ARHGAP24: variants seen among roughly 807,000 people sequenced by gnomAD.
The protein encoded by ARHGAP24 is rho GTPase-activating protein 24.
Under a neutral mutation model 76.4 loss-of-function variants are expected in ARHGAP24, and 50 were observed. The observed-to-expected ratio is 0.65, with a 90% CI of 0.52 to 0.83. The LOEUF is 0.83. ARHGAP24 is among the 40% of genes least tolerant of loss of function. The pLI, the probability that ARHGAP24 is intolerant of heterozygous loss-of-function variation, is 0.00. For missense variants in ARHGAP24, 930 were observed against 914.2 expected (o/e 1.02, Z -0.22); for synonymous variants, 345 against 323.3 (o/e 1.07, Z -0.72).
intron 3 of ARHGAP24, among the ~76,000 whole-genome samples, chr4:85,914,713 C>A (rs143128580): frequency 4.6e-5 from 7 of 152,118 alleles, no homozygotes; most frequent in African/African-American, 1.7e-4. Context: ...TCAACCATAC[C>A]GTTAGAGGAC....
chr4:85,585,048 C>T (rs1727789609), intron 2 of ARHGAP24, among the ~76,000 whole-genome samples: 1 of 152,182 alleles, frequency 6.6e-6, no homozygotes. Context: ...ATCTAATCCT[C>T]ATTTTTTTTG....
intron 2 of ARHGAP24, among the ~76,000 whole-genome samples, chr4:85,597,513 T>C (rs1719881321): frequency 6.6e-6 from 1 of 152,076 alleles, no homozygotes. Flanking sequence ...ATCCCCCAAG[T>C]CTGTCTGTGT....
chr4:85,642,201 G>A (rs1180594416), intron 2 of ARHGAP24, among the ~76,000 whole-genome samples: 6 of 152,100 alleles, frequency 3.9e-5, no homozygotes, highest in South Asian at 2.1e-4. Flanking sequence ...AAAGGTGGAC[G>A]GGAGAAGTTT....
chr4:85,485,416 T>TATATATATAG (rs1283790979), intron 1 of ARHGAP24, among the ~76,000 whole-genome samples: 5 of 115,796 alleles, frequency 4.3e-5, no homozygotes, highest in African/African-American at 1.8e-4. Flanking sequence ...TATATATATC[T>TATATATATAG]CCTTGGATTT....
At chr4:85,916,230 T>C (rs537907698) in intron 3 of ARHGAP24, among the ~76,000 whole-genome samples, 79 of 145,904 alleles carry the variant, frequency 5.4e-4, no homozygotes, top group African/African-American at 1.7e-3. Flanking sequence ...GAGAAGTGTC[T>C]GTTCGTGTCC....
intron 1 of ARHGAP24, among the ~76,000 whole-genome samples, chr4:85,522,617 A>G (rs571289813): frequency 1.3e-5 from 2 of 152,308 alleles, no homozygotes; most frequent in African/African-American, 4.8e-5. Flanking sequence ...TATCCCAACT[A>G]TCTAACTAGG....
chr4:85,735,642 C>T (rs780065645), intron 3 of ARHGAP24, among the ~76,000 whole-genome samples: 3 of 152,114 alleles, frequency 2.0e-5, no homozygotes, highest in South Asian at 4.1e-4. Flanking sequence ...TCCCTTACCT[C>T]GTCATGTCAG....
chr4:85,942,364 G>T, intron 5 of ARHGAP24, 91 bp downstream of exon 5: 1 of 1,403,150 alleles, frequency 7.1e-7, no homozygotes, highest in Non-Finnish European at 1.0e-6. Context: ...AACCTTGATT[G>T]ATGTGGTAAC....
chr4:85,621,146 T>C lies in ARHGAP24; in HGVS notation c.180+50425T>C, dbSNP rs574572244. 2.2e-4 allele frequency among the ~76,000 whole-genome samples: 34 copies of C among 152,268 alleles called. No individual in the cohort carries two copies. In the South Asian group the frequency reaches 7.0e-3, roughly 32 times the overall value. ...TGGCTGTGTAGTATTGCATGTTGTC[T>C]ATATACCACATATTCTTCATCCGAT... On this transcript the variant is annotated intron_variant, in intron 2 of 9. Transcript: ENST00000395184.
chr4:85,549,532 TA>T lies in ARHGAP24; in HGVS notation c.-20-20989del, dbSNP rs543675399. Among the ~76,000 whole-genome samples, 32 of 152,180 alleles carry T rather than the reference TA, an allele frequency of 2.1e-4. No individual in the cohort carries two copies. In the South Asian group the frequency reaches 5.6e-3, roughly 27 times the overall value. On this transcript the variant is annotated intron_variant, in intron 1 of 9. Coordinates refer to ENST00000395184, the MANE Select transcript of ARHGAP24 (RefSeq NM_001025616.3). ...GTAGGAGTCATTTGTATATTATGGA[TA>T]TAAGTTTTTTTAACAGATATATGCT...
At chr4:85,992,264 T>TA (rs1740375324) in intron 8 of ARHGAP24, 1 of 394,832 alleles carries the variant, frequency 2.5e-6, no homozygotes, top group African/African-American at 2.1e-5. Flanking sequence ...TAAACAACTA[T>TA]AAAAATTCTA....
At chr4:85,569,706 T>C (rs1017238418) in intron 1 of ARHGAP24, among the ~76,000 whole-genome samples, 1 of 152,222 alleles carries the variant, frequency 6.6e-6, no homozygotes, top group Non-Finnish European at 1.5e-5. Flanking sequence ...GTTTGTTTTC[T>C]CTTAAACTTT....
intron 1 of ARHGAP24, among the ~76,000 whole-genome samples, chr4:85,555,766 G>C (rs1034085026): frequency 1.3e-5 from 2 of 152,202 alleles, no homozygotes; most frequent in African/African-American, 4.8e-5. Flanking sequence ...GAAAATGGCA[G>C]AGCCACTCCC....
At chr4:85,789,949 C>T (rs913869957) in intron 3 of ARHGAP24, among the ~76,000 whole-genome samples, 2 of 152,124 alleles carry the variant, frequency 1.3e-5, no homozygotes, top group African/African-American at 4.8e-5. Context: ...GGACTGTCTT[C>T]CAATGCCCTG....
At chr4:85,593,768 T>C (rs1468944544) in intron 2 of ARHGAP24, among the ~76,000 whole-genome samples, 1 of 152,120 alleles carries the variant, frequency 6.6e-6, no homozygotes, top group Non-Finnish European at 1.5e-5. Context: ...ACTGTTGATG[T>C]GTGGATTTGT....
intron 4 of ARHGAP24, chr4:85,930,992 T>C: frequency 6.2e-7 from 1 of 1,614,046 alleles, no homozygotes; most frequent in South Asian, 1.1e-5. Flanking sequence ...ACTCCTTTCA[T>C]CCCTAAAACT....
At chr4:85,820,232 C>CCTAAATG (rs1729412216) in intron 3 of ARHGAP24, among the ~76,000 whole-genome samples, 2 of 152,104 alleles carry the variant, frequency 1.3e-5, no homozygotes, top group African/African-American at 4.8e-5. Flanking sequence ...ATGGAATCAA[C>CCTAAATG]CTAAATGCCT....
At chr4:85,679,214 G>A (rs915071345) in intron 2 of ARHGAP24, among the ~76,000 whole-genome samples, 3 of 151,992 alleles carry the variant, frequency 2.0e-5, no homozygotes, top group Non-Finnish European at 4.4e-5. Context: ...GAGAATAGAT[G>A]GTGAATATTT....
intron 4 of ARHGAP24, among the ~76,000 whole-genome samples, chr4:85,932,146 A>G (rs1186009936): frequency 1.3e-5 from 2 of 152,226 alleles, no homozygotes; most frequent in Non-Finnish European, 2.9e-5. Context: ...GTTAATTTAC[A>G]TTCCTATCTC....
Sources: gnomAD v4.1 joint callset for allele counts (sites outside exome capture counted in the v4.1 genomes callset) on GRCh38, gnomAD v4.1.1 for gene constraint, MANE v1.5 for transcripts, NCBI Gene and HGNC (gene_info 2026-07-23, HGNC 2026-07-21) for gene names.